Variants in KDM4C observed in about 807,000 individuals in gnomAD.
KDM4C encodes lysine demethylase 4C.
A neutral mutation model predicts 129.3 loss-of-function variants in KDM4C; 81 were observed. The observed-to-expected ratio is 0.63, with a 90% confidence interval of 0.52 to 0.75. KDM4C has a LOEUF of 0.75. Among genes scored for constraint, KDM4C ranks in the 30% least tolerant of loss-of-function variants. KDM4C has a pLI of 0.00. For synonymous variants in KDM4C, 573 were observed against 456.1 expected (o/e 1.26, Z -3.26); for missense variants, 1,457 against 1,304.0 (o/e 1.12, Z -1.81).
At chr9:7,032,431 G>A (rs532508635) in intron 15 of KDM4C, among the ~76,000 whole-genome samples, 2 of 152,164 alleles carry the variant, frequency 1.3e-5, no homozygotes, top group Non-Finnish European at 2.9e-5. Flanking sequence ...AAATTACCAA[G>A]CATTTGTCTC....
At chr9:7,102,502 T>C (rs1837215331) in intron 17 of KDM4C, among the ~76,000 whole-genome samples, 2 of 152,210 alleles carry the variant, frequency 1.3e-5, no homozygotes, top group South Asian at 4.1e-4. Flanking sequence ...TCCATTATGA[T>C]GCTGGGCAAG....
intron 19 of KDM4C, among the ~76,000 whole-genome samples, chr9:7,151,483 CTGGGCAACATAG>C (rs1842723287): frequency 1.3e-5 from 2 of 152,028 alleles, no homozygotes; most frequent in South Asian, 2.1e-4. Context: ...AGCTATGTTG[CTGGGCAACATAG>C]CAAGACCTCA....
chr9:7,128,792 G>T (rs1368811694), intron 19 of KDM4C, among the ~76,000 whole-genome samples: 3 of 151,778 alleles, frequency 2.0e-5, no homozygotes, highest in East Asian at 1.9e-4. Flanking sequence ...GTGCGTGCGC[G>T]TGTGTGTGTG....
intron 4 of KDM4C, among the ~76,000 whole-genome samples, chr9:6,843,302 G>A (rs1028834656): frequency 1.3e-5 from 2 of 152,196 alleles, no homozygotes; most frequent in African/African-American, 4.8e-5. Context: ...CCGTCGAGGT[G>A]CCCCTCTAAA....
At chr9:6,786,367 T>C (rs552612197) in intron 1 of KDM4C, among the ~76,000 whole-genome samples, 30 of 152,338 alleles carry the variant, frequency 2.0e-4, no homozygotes, top group Non-Finnish European at 2.8e-4. Flanking sequence ...GAAAGGTCTT[T>C]AGCTTATTAA....
At chr9:6,798,064 A>G (rs931872293) in intron 2 of KDM4C, among the ~76,000 whole-genome samples, 6 of 152,192 alleles carry the variant, frequency 3.9e-5, no homozygotes, top group African/African-American at 7.2e-5. Flanking sequence ...TAGTTAAAAT[A>G]AGATTTTTGT....
chr9:6,998,346 A>T (rs1820143359), intron 12 of KDM4C, among the ~76,000 whole-genome samples: 1 of 152,244 alleles, frequency 6.6e-6, no homozygotes, highest in Non-Finnish European at 1.5e-5. Context: ...TTTAACCATC[A>T]TTTAACCCAT....
At chr9:7,130,541 C>T (rs982426086) in intron 19 of KDM4C, among the ~76,000 whole-genome samples, 5 of 152,146 alleles carry the variant, frequency 3.3e-5, no homozygotes, top group Admixed American at 1.3e-4. Flanking sequence ...GAGCGCATGC[C>T]ATTTAAATCA....
chr9:7,164,377 T>A (rs1276871051), intron 19 of KDM4C, among the ~76,000 whole-genome samples: 8 of 148,852 alleles, frequency 5.4e-5, no homozygotes, highest in Admixed American at 5.3e-4. Context: ...CCTTTCAGGA[T>A]TAATCACCTG....
intron 18 of KDM4C, among the ~76,000 whole-genome samples, chr9:7,118,006 A>T (rs186867538): frequency 1.8e-4 from 28 of 152,330 alleles, no homozygotes; most frequent in African/African-American, 6.7e-4. Flanking sequence ...TTACACATTA[A>T]CACAGTGAGG....
At chr9:6,956,330 T>G (rs973546457) in intron 8 of KDM4C, among the ~76,000 whole-genome samples, 4 of 152,166 alleles carry the variant, frequency 2.6e-5, no homozygotes, top group Non-Finnish European at 4.4e-5. Context: ...TATTTCACAT[T>G]GCATGCTTGT....
chr9:6,940,993 T>A (rs1417966284), intron 8 of KDM4C, among the ~76,000 whole-genome samples: 1 of 152,178 alleles, frequency 6.6e-6, no homozygotes, highest in Non-Finnish European at 1.5e-5. Context: ...TCACCCTGTT[T>A]AGACTGATTC....
chr9:6,862,838 AC>A (rs201231827), intron 5 of KDM4C, among the ~76,000 whole-genome samples: 1 of 151,214 alleles, frequency 6.6e-6, no homozygotes, highest in African/African-American at 2.5e-5. Flanking sequence ...AAACAAACAA[AC>A]AAAAAACAAA....
At chr9:7,114,834 A>C (rs903723452) in intron 18 of KDM4C, among the ~76,000 whole-genome samples, 1 of 152,132 alleles carries the variant, frequency 6.6e-6, no homozygotes, top group African/African-American at 2.4e-5. Context: ...GGCTAGGTGC[A>C]GTGGCTCCCA....
intron 7 of KDM4C, among the ~76,000 whole-genome samples, chr9:6,890,708 G>A (rs1046790869): frequency 6.6e-6 from 1 of 151,966 alleles, no homozygotes; most frequent in Non-Finnish European, 1.5e-5. Flanking sequence ...TCCATGGAGC[G>A]GGAAAAGTAG....
rs187206409 is a variant in KDM4C at position 6,888,082 on chromosome 9, T to C, written c.783+19T>C. 2.8e-5 allele frequency: 35 copies of C among 1,269,530 alleles called. No individual in the cohort carries two copies. The African/African-American group carries it at 5.0e-4, about 18-fold the overall frequency. 78.6% of individuals were successfully genotyped at this position (1,269,530 alleles called of 1,614,324 possible). ...TGACAAGGTATGTTAGTATTCATCTTACACAAATTAATTTTGTTTGTGTAG... is the reference window on the plus strand; with the variant it reads ...TGACAAGGTATGTTAGTATTCATCTCACACAAATTAATTTTGTTTGTGTAG... On this transcript the variant is annotated intron_variant, in intron 7 of 21. Coordinates refer to ENST00000381309, the MANE Select transcript of KDM4C (RefSeq NM_015061.6).
chr9:6,814,780 C>G (rs1405308085), intron 4 of KDM4C, 35 bp downstream of exon 4: 3 of 1,313,892 alleles, frequency 2.3e-6, no homozygotes, highest in South Asian at 2.5e-5. Context: ...TTGTAAAGAT[C>G]ATTGGATGTG....
At chr9:6,946,387 C>T (rs1402443703) in intron 8 of KDM4C, among the ~76,000 whole-genome samples, 2 of 152,034 alleles carry the variant, frequency 1.3e-5, no homozygotes, top group East Asian at 3.8e-4. Flanking sequence ...CTCTTCACAT[C>T]GCAGTAATTT....
intron 17 of KDM4C, among the ~76,000 whole-genome samples, chr9:7,059,704 A>G (rs1831348952): frequency 6.6e-6 from 1 of 152,246 alleles, no homozygotes; most frequent in Admixed American, 6.5e-5. Context: ...ATGCTAAAGC[A>G]GATATGAGAC....
Sources: allele counts gnomAD v4.1 joint callset (sites outside exome capture counted in the v4.1 genomes callset), GRCh38; gene constraint gnomAD v4.1.1; transcripts MANE v1.5; gene names NCBI Gene and HGNC (gene_info 2026-07-23, HGNC 2026-07-21).